The following HBS1L variants were observed in gnomAD, a reference collection of about 807,000 sequenced individuals.
HBS1L encodes the protein HBS1-like protein.
HBS1L carries 55 observed loss-of-function variants against 88.9 expected under a neutral mutation model. That is an observed-to-expected ratio of 0.62 (90% CI 0.50 to 0.77). HBS1L has a LOEUF of 0.77. HBS1L is among the 30% of genes least tolerant of loss of function. The pLI, the probability that HBS1L is intolerant of heterozygous loss-of-function variation, is 0.00. For synonymous variants in HBS1L, 267 were observed against 288.5 expected (o/e 0.93, Z 0.76); for missense variants, 741 against 829.3 (o/e 0.89, Z 1.31).
At chr6:134,980,659 C>T (rs980081740) in intron 13 of HBS1L, among the ~76,000 whole-genome samples, 58 of 151,798 alleles carry the variant, frequency 3.8e-4, no homozygotes, top group African/African-American at 1.3e-3. Flanking sequence ...TTACACTGTT[C>T]CACATATGAC....
intron 13 of HBS1L, chr6:134,979,546 C>T (rs1291161302): frequency 1.8e-5 from 6 of 327,306 alleles, no homozygotes; most frequent in East Asian, 1.7e-4. Flanking sequence ...CTAATTGACA[C>T]AATTGGTATA....
At chr6:135,026,533 A>G (rs1776231887) in intron 4 of HBS1L, among the ~76,000 whole-genome samples, 2 of 152,118 alleles carry the variant, frequency 1.3e-5, no homozygotes, top group South Asian at 4.1e-4. Flanking sequence ...TTAATAACAT[A>G]AATGAGAAAA....
rs1280675992 is a variant in HBS1L at position 134,965,170 on chromosome 6, T to A, written c.*109A>T. 1.1e-6 allele frequency: 1 copy of A among 915,674 alleles called. No individual in the cohort carries two copies. The highest frequency in any genetic ancestry group is 1.8e-6 in the Non-Finnish European group (1 of 558,876). 56.7% of individuals were successfully genotyped at this position (915,674 alleles called of 1,614,324 possible). The stretch of plus-strand genomic sequence containing the variant: ...TTTTAGCTTTAATTTTTCTCTCTCA[T>A]CTAAAAACATATCAATTGCACATTG... On this transcript the variant is annotated 3_prime_UTR_variant, in exon 18 of 18. Transcript: ENST00000367837.
chr6:135,016,202 T>A (rs757863915), intron 4 of HBS1L, among the ~76,000 whole-genome samples: 22 of 152,142 alleles, frequency 1.4e-4, no homozygotes, highest in Non-Finnish European at 2.8e-4. Flanking sequence ...AAAATATTAA[T>A]GCTTTGTCCA....
At chr6:135,028,977 G>C (rs1488917975) in intron 4 of HBS1L, among the ~76,000 whole-genome samples, 1 of 151,728 alleles carries the variant, frequency 6.6e-6, no homozygotes, top group African/African-American at 2.4e-5. Flanking sequence ...AAATAAGACA[G>C]CCTACCAAAA....
chr6:134,979,280 T>G lies in HBS1L; in HGVS notation c.1598-12A>C. ...ATGCAGAGTGATTCCTGGAAATGAG[T>G]AAGAACCAAAGCATACAGTGAAACA... On this transcript the variant is annotated splice_polypyrimidine_tract_variant and intron_variant, in intron 13 of 17. Transcript: ENST00000367837. The G allele has an allele frequency of 6.2e-7, 1 of 1,602,796 alleles. No individual in the cohort carries two copies. Among genetic ancestry groups the G allele is most frequent in the Non-Finnish European group, 8.5e-7 (1 of 1,170,578 alleles).
intron 4 of HBS1L, among the ~76,000 whole-genome samples, chr6:135,006,458 TA>T (rs1043347924): frequency 9.2e-5 from 14 of 151,672 alleles, no homozygotes; most frequent in Admixed American, 4.6e-4. Flanking sequence ...CTCCCATGAG[TA>T]AGGAGAAATG....
chr6:135,014,827 G>C (rs1004106730), intron 4 of HBS1L, among the ~76,000 whole-genome samples: 1 of 140,044 alleles, frequency 7.1e-6, no homozygotes, highest in Non-Finnish European at 1.5e-5. Flanking sequence ...GACCAGCCTG[G>C]GCAACACGGA....
chr6:135,012,485 T>C (rs896046439), intron 4 of HBS1L, among the ~76,000 whole-genome samples: 2 of 152,184 alleles, frequency 1.3e-5, no homozygotes, highest in Non-Finnish European at 2.9e-5. Flanking sequence ...CTGTAGTATC[T>C]GATATGGTGT....
chr6:135,052,363 G>C (rs1422908549), intron 1 of HBS1L, among the ~76,000 whole-genome samples: 1 of 152,052 alleles, frequency 6.6e-6, no homozygotes, highest in South Asian at 2.1e-4. Context: ...TTGGGAAGCC[G>C]AGGAGGGAGG....
At chr6:135,054,160 G>C (rs1431354097) in intron 1 of HBS1L, among the ~76,000 whole-genome samples, 1 of 152,198 alleles carries the variant, frequency 6.6e-6, no homozygotes, top group Non-Finnish European at 1.5e-5. Context: ...TCTGCACTAG[G>C]TATGTATGGA....
At chr6:135,026,663 G>T (rs1351535063) in intron 4 of HBS1L, among the ~76,000 whole-genome samples, 2 of 152,038 alleles carry the variant, frequency 1.3e-5, no homozygotes, top group Non-Finnish European at 2.9e-5. Flanking sequence ...ATAAAACTTA[G>T]AGAAAGCAGC....
chr6:135,037,683 T>C, intron 4 of HBS1L: 2 of 1,550,876 alleles, frequency 1.3e-6, no homozygotes, highest in African/African-American at 1.4e-5. Context: ...AATCGGCATC[T>C]AGGTTCTTTG....
chr6:135,054,567 C>A, intron 1 of HBS1L, 82 bp downstream of exon 1: 2 of 1,515,986 alleles, frequency 1.3e-6, no homozygotes, highest in East Asian at 2.3e-5. Flanking sequence ...ACGAGAAACT[C>A]ACAGATTGAA....
At chr6:135,032,054 G>C (rs1257467567) in intron 4 of HBS1L, among the ~76,000 whole-genome samples, 1 of 151,728 alleles carries the variant, frequency 6.6e-6, no homozygotes, top group African/African-American at 2.4e-5. Context: ...GTGTTTCTAT[G>C]TGAGTCCTAA....
At chr6:134,971,937 C>A (rs1774500611) in intron 15 of HBS1L, among the ~76,000 whole-genome samples, 1 of 152,148 alleles carries the variant, frequency 6.6e-6, no homozygotes, top group Non-Finnish European at 1.5e-5. Flanking sequence ...AAGTCTGTAA[C>A]AAGCCCATTT....
intron 15 of HBS1L, among the ~76,000 whole-genome samples, chr6:134,976,253 A>T (rs563138048): frequency 6.6e-6 from 1 of 152,156 alleles, no homozygotes; most frequent in Non-Finnish European, 1.5e-5. Context: ...AAGTCAAAAA[A>T]CAATAGATGT....
intron 7 of HBS1L, among the ~76,000 whole-genome samples, 170 bp downstream of exon 7, chr6:134,996,607 G>GT (rs1775294613): frequency 6.6e-6 from 1 of 152,094 alleles, no homozygotes; most frequent in South Asian, 2.1e-4. Flanking sequence ...AGTAAAAACA[G>GT]TATGCAGATT....
chr6:135,039,671 T>C lies in HBS1L; in HGVS notation c.332A>G (p.Asp111Gly). Reference protein sequence around the residue: ...LIEAVLKNKFDVQKALSGVLE... With the variant: ...LIEAVLKNKFGVQKALSGVLE... ...AACCCCTGACAAAGCCTTCTGCACA[T>C]CAAACTTGTTCTTCAGAACTGCTTC... Residue 111 changes from aspartate (D) to glycine (G), a missense_variant, in exon 4 of 18, where the codon GAT becomes GGT. Transcript: ENST00000367837. 4 of 1,614,120 alleles carry C rather than the reference T, an allele frequency of 2.5e-6. No homozygotes were observed. The highest frequency in any genetic ancestry group is 3.4e-6 in the Non-Finnish European group (4 of 1,179,982).
Sources: gnomAD v4.1 joint callset for allele counts (sites outside exome capture counted in the v4.1 genomes callset) on GRCh38, gnomAD v4.1.1 for gene constraint, MANE v1.5 for transcripts, NCBI Gene and HGNC (gene_info 2026-07-23, HGNC 2026-07-21) for gene names.